STAC: variants seen among roughly 807,000 people sequenced by gnomAD.
The protein encoded by STAC is SH3 and cysteine-rich domain-containing protein.
STAC carries 43 observed loss-of-function variants against 48.8 expected under a neutral mutation model. The observed-to-expected ratio is 0.88, with a 90% CI of 0.69 to 1.14. The LOEUF is 1.14. STAC is among the 50% of genes most tolerant of loss of function. STAC has a pLI of 0.00. For synonymous variants in STAC, 193 were observed against 179.5 expected, an observed-to-expected ratio of 1.07 and a Z score of -0.60; for missense variants, 497 against 504.0, an observed-to-expected ratio of 0.99 and a Z score of 0.13.
At chr3:36,512,742 C>A (rs543545516) in intron 8 of STAC, among the ~76,000 whole-genome samples, 1 of 152,278 alleles carries the variant, frequency 6.6e-6, no homozygotes, top group Admixed American at 6.5e-5. Context: ...GAAATGTCTG[C>A]ATTGCATAGA....
intron 1 of STAC, 96 bp downstream of exon 1, chr3:36,380,850 G>T: frequency 2.3e-6 from 2 of 868,972 alleles, no homozygotes; most frequent in Non-Finnish European, 3.5e-6. Context: ...GGGCGTGGGG[G>T]TCTGAGACTT....
At chr3:36,521,517 C>A (rs1698805085) in intron 8 of STAC, among the ~76,000 whole-genome samples, 1 of 152,082 alleles carries the variant, frequency 6.6e-6, no homozygotes, top group African/African-American at 2.4e-5. Flanking sequence ...CCCTGATACA[C>A]CTTTGTGGTC....
At chr3:36,505,677 T>G in intron 7 of STAC, 69 bp from the exon 8 acceptor site, 1 of 1,073,178 alleles carries the variant, frequency 9.3e-7, no homozygotes, top group Non-Finnish European at 1.4e-6. Flanking sequence ...CCATTTCCTG[T>G]TTTCTTTCTT....
chr3:36,491,347 G>A (rs2125705230), intron 5 of STAC, among the ~76,000 whole-genome samples: 1 of 152,252 alleles, frequency 6.6e-6, no homozygotes, highest in East Asian at 1.9e-4. Context: ...AAATATAAAA[G>A]GCTTGATGGC....
At chr3:36,433,775 G>T (rs1700762504) in intron 1 of STAC, among the ~76,000 whole-genome samples, 1 of 152,206 alleles carries the variant, frequency 6.6e-6, no homozygotes, top group Non-Finnish European at 1.5e-5. Flanking sequence ...CAAGGAGCTT[G>T]AGAGACTTGC....
chr3:36,515,975 C>CTTTTTTTTT (rs1203330014), intron 8 of STAC, among the ~76,000 whole-genome samples: 3 of 61,450 alleles, frequency 4.9e-5, no homozygotes, highest in African/African-American at 7.1e-5. Flanking sequence ...CATTTTTCTC[C>CTTTTTTTTT]TTTTTTTTTT....
intron 8 of STAC, among the ~76,000 whole-genome samples, chr3:36,516,349 G>C (rs1434920897): frequency 1.3e-5 from 2 of 152,032 alleles, no homozygotes; most frequent in Non-Finnish European, 2.9e-5. Flanking sequence ...ACAAGAGGAA[G>C]AGCTGGTTGC....
chr3:36,515,796 A>G (rs1698656869), intron 8 of STAC, among the ~76,000 whole-genome samples: 1 of 151,980 alleles, frequency 6.6e-6, no homozygotes, highest in South Asian at 2.1e-4. Context: ...GAGATTCAAC[A>G]GAACTCTGTT....
chr3:36,533,953 C>T (rs1699135385), intron 10 of STAC, among the ~76,000 whole-genome samples: 1 of 152,090 alleles, frequency 6.6e-6, no homozygotes, highest in African/African-American at 2.4e-5. Context: ...TATTTCACCA[C>T]TCAGGTAATA....
chr3:36,520,974 CA>C (rs1430233771), intron 8 of STAC, among the ~76,000 whole-genome samples: 1 of 152,082 alleles, frequency 6.6e-6, no homozygotes, highest in African/African-American at 2.4e-5. Context: ...AATGCAAATT[CA>C]GGAGTTCCTT....
intron 5 of STAC, 39 bp downstream of exon 5, chr3:36,486,288 T>C: frequency 6.3e-7 from 1 of 1,585,174 alleles, no homozygotes; most frequent in Non-Finnish European, 8.6e-7. Flanking sequence ...TCTGTGGTGG[T>C]CTTGGGCAGA....
chr3:36,530,593 C>CTTTTTTTTTTTTTTT (rs577222686), intron 10 of STAC, among the ~76,000 whole-genome samples: 37 of 72,014 alleles, frequency 5.1e-4, no homozygotes, highest in Non-Finnish European at 5.5e-4. Flanking sequence ...TTTTTTTTTT[C>CTTTTTTTTTTTTTTT]TTTTTTTTTT....
intron 1 of STAC, among the ~76,000 whole-genome samples, chr3:36,419,892 T>C (rs529113162): frequency 5.5e-4 from 83 of 152,270 alleles, no homozygotes; most frequent in African/African-American, 2.0e-3. Flanking sequence ...GGGGCATAGG[T>C]TTCTGTGCCC....
At position 36,412,841 on chromosome 3, in the gene STAC, T is replaced by C. The variant is rs1339747691; in HGVS notation, c.112-30523T>C. 2.0e-5 allele frequency among the ~76,000 whole-genome samples: 3 copies of C among 152,200 alleles called. No individual in the cohort carries two copies. In the East Asian group the frequency reaches 5.8e-4, roughly 29 times the overall value. ...TATGTCTTAAAATCTGGTTGGGATA[T>C]CACTATCTTTGCTCCTCTTTCTAAA... is the stretch of plus-strand genomic sequence containing the variant. On this transcript the variant is annotated intron_variant, in intron 1 of 10. Coordinates refer to ENST00000273183, the MANE Select transcript of STAC (RefSeq NM_003149.3).
chr3:36,401,792 C>T (rs1700002899), intron 1 of STAC, among the ~76,000 whole-genome samples: 1 of 152,170 alleles, frequency 6.6e-6, no homozygotes, highest in Admixed American at 6.5e-5. Context: ...ACTTGGGGTC[C>T]ATCTAAGTGC....
intron 2 of STAC, among the ~76,000 whole-genome samples, chr3:36,444,135 G>A (rs1479574061): frequency 5.9e-5 from 9 of 152,160 alleles, no homozygotes; most frequent in Non-Finnish European, 2.9e-5. Flanking sequence ...ATTCAAAATG[G>A]TGGGCAATAT....
chr3:36,411,298 A>G (rs1700189722), intron 1 of STAC, among the ~76,000 whole-genome samples: 1 of 152,214 alleles, frequency 6.6e-6, no homozygotes, highest in South Asian at 2.1e-4. Flanking sequence ...TCTTTTTAAT[A>G]GTCAGGTCTC....
intron 2 of STAC, among the ~76,000 whole-genome samples, chr3:36,471,458 C>A (rs1697331549): frequency 6.6e-6 from 1 of 152,160 alleles, no homozygotes; most frequent in African/African-American, 2.4e-5. Flanking sequence ...AACAGTCCCC[C>A]AAAGTCTTCA....
At chr3:36,444,536 T>C (rs1047951336) in intron 2 of STAC, among the ~76,000 whole-genome samples, 2 of 152,218 alleles carry the variant, frequency 1.3e-5, no homozygotes, top group Non-Finnish European at 2.9e-5. Flanking sequence ...ACTGGGAGCA[T>C]GCAAAGCCTC....
Sources: allele counts gnomAD v4.1 joint callset (sites outside exome capture counted in the v4.1 genomes callset), GRCh38; gene constraint gnomAD v4.1.1; transcripts MANE v1.5; gene names NCBI Gene and HGNC (gene_info 2026-07-23, HGNC 2026-07-21).